Variants in SAP30BP observed in about 807,000 individuals in gnomAD.
SAP30BP encodes the protein SAP30-binding protein.
A neutral mutation model predicts 46.3 loss-of-function variants in SAP30BP; 31 were observed. The observed-to-expected ratio is 0.67, with a 90% confidence interval of 0.50 to 0.90. SAP30BP has a LOEUF of 0.90. Ranked by LOEUF, SAP30BP falls within the 40% of genes least tolerant of loss-of-function variation. SAP30BP has a pLI of 0.00. For synonymous variants in SAP30BP, 169 were observed against 144.2 expected, an observed-to-expected ratio of 1.17 and a Z score of -1.23; for missense variants, 312 against 391.0, an observed-to-expected ratio of 0.80 and a Z score of 1.70.
chr17:75,678,819 G>C (rs905824135), intron 3 of SAP30BP, among the ~76,000 whole-genome samples: 5 of 152,108 alleles, frequency 3.3e-5, no homozygotes, highest in African/African-American at 9.7e-5. Flanking sequence ...GGTGTTTGAA[G>C]GTCTGCTGAG....
At chr17:75,668,712 T>G in intron 2 of SAP30BP, 87 bp downstream of exon 2, 1 of 841,686 alleles carries the variant, frequency 1.2e-6, no homozygotes. Flanking sequence ...TTCCATTTCA[T>G]GGTTAGCTCC....
intron 5 of SAP30BP, among the ~76,000 whole-genome samples, chr17:75,701,331 G>T (rs2060407768): frequency 6.6e-6 from 1 of 152,184 alleles, no homozygotes; most frequent in Non-Finnish European, 1.5e-5. Flanking sequence ...TGCTAAGACT[G>T]CTCTTTCTAG....
intron 8 of SAP30BP, 37 bp downstream of exon 8, chr17:75,703,896 C>T (rs370389126): frequency 4.2e-6 from 6 of 1,445,110 alleles, no homozygotes; most frequent in South Asian, 1.1e-5. Context: ...ACCTTGTCCG[C>T]CCACCCGACT....
chr17:75,702,460 C>T lies in SAP30BP; in HGVS notation c.397-20C>T. ...GGCTTCTGTCATACACCCCCCCACC[C>T]CCTCTGCTCCTCTTCACAGGACAAG... On this transcript the variant is annotated intron_variant, in intron 5 of 10. Coordinates refer to ENST00000584667, the MANE Select transcript of SAP30BP (RefSeq NM_013260.8). 8.4e-7 allele frequency: 1 copy of T among 1,189,852 alleles called. No homozygotes were observed. Among genetic ancestry groups the T allele is most frequent in the African/African-American group, 1.5e-5 (1 of 66,468 alleles). The allele number at this position is 1,189,852 out of a possible 1,614,324, so 73.7% of individuals were successfully genotyped here.
rs1020631931 is a variant in SAP30BP, at chr17:75,706,726, G to A, written c.*205G>A. 59 of 582,272 alleles carry A rather than the reference G, an allele frequency of 1.0e-4. No homozygotes were observed. The highest frequency in any genetic ancestry group is 3.1e-5 in the Admixed American group (1 of 32,016). The allele number at this position is 582,272 out of a possible 1,614,324, so 36.1% of individuals were successfully genotyped here. ...AGGGTCTGTCCACGCACCACCTGGGGTCTGCCGCCTATTAAAAGTGCCGTA... is the reference window on the plus strand; with the variant it reads ...AGGGTCTGTCCACGCACCACCTGGGATCTGCCGCCTATTAAAAGTGCCGTA... On this transcript the variant is annotated 3_prime_UTR_variant, in exon 11 of 11. Coordinates refer to ENST00000584667, the MANE Select transcript of SAP30BP (RefSeq NM_013260.8). The surrounding 1 kb of genome is among the most constrained non-coding windows in gnomAD (Gnocchi z 4.6).
At chr17:75,687,691 G>A (rs1542099) in intron 3 of SAP30BP, among the ~76,000 whole-genome samples, 6,747 of 151,538 alleles carry the variant, frequency 0.045, 515 homozygotes, top group African/African-American at 0.15. Flanking sequence ...GTAATTCAGC[G>A]TTGGTGTCCC....
intron 5 of SAP30BP, 177 bp downstream of exon 5, chr17:75,700,048 G>A (rs771566319): frequency 4.0e-5 from 20 of 504,544 alleles, no homozygotes; most frequent in Non-Finnish European, 6.5e-5. Flanking sequence ...CCTCATCTCA[G>A]GAGTTGGCTC....
At chr17:75,701,576 A>C (rs2060411929) in intron 5 of SAP30BP, among the ~76,000 whole-genome samples, 2 of 152,178 alleles carry the variant, frequency 1.3e-5, no homozygotes, top group Non-Finnish European at 2.9e-5. Context: ...ATAAGCAGTT[A>C]ACCCTTGATG....
At chr17:75,687,572 C>T (rs906235204) in intron 3 of SAP30BP, among the ~76,000 whole-genome samples, 6 of 149,930 alleles carry the variant, frequency 4.0e-5, no homozygotes, top group East Asian at 1.9e-4. Context: ...GCTATGATTG[C>T]GCCAGTGTAC....
rs369194323 is a variant in SAP30BP at position 75,706,297 on chromosome 17, G to A, written c.746-43G>A. ...GCAGGGGGAAGGGAAAGAGGGCACC[G>A]CTCATTGGTGGATCGTGATCCTGAT... On this transcript the variant is annotated intron_variant, in intron 10 of 10. Coordinates refer to ENST00000584667, the MANE Select transcript of SAP30BP (RefSeq NM_013260.8). This position sits in a 1 kb window ranked among gnomAD's most constrained non-coding sequence, Gnocchi z 4.6. 339 of 1,591,026 alleles carry A rather than the reference G, an allele frequency of 2.1e-4. 2 individuals carry two copies. The highest frequency in any genetic ancestry group is 8.9e-4 in the East Asian group (40 of 44,778).
At chr17:75,704,542 TC>T (rs1276818382) in intron 8 of SAP30BP, among the ~76,000 whole-genome samples, 1 of 152,196 alleles carries the variant, frequency 6.6e-6, no homozygotes, top group Admixed American at 6.5e-5. Context: ...AGCTGACCCT[TC>T]CGGGCACACA....
intron 2 of SAP30BP, 76 bp from the exon 3 acceptor site, chr17:75,671,740 C>A: frequency 8.7e-7 from 1 of 1,143,452 alleles, no homozygotes; most frequent in Non-Finnish European, 1.3e-6. Context: ...CTGTTTGCTC[C>A]GGCCCCTAGT....
intron 4 of SAP30BP, among the ~76,000 whole-genome samples, chr17:75,695,576 C>T (rs556313691): frequency 6.6e-6 from 1 of 152,150 alleles, no homozygotes; most frequent in Non-Finnish European, 1.5e-5. Context: ...TCCTCATTGA[C>T]GAGTAGCTAG....
rs749966270 is a variant in SAP30BP at position 75,668,633 on chromosome 17, A to C, written c.216+8A>C. On this transcript the variant is annotated splice_region_variant and intron_variant, in intron 2 of 10. Coordinates refer to ENST00000584667, the MANE Select transcript of SAP30BP (RefSeq NM_013260.8). The stretch of plus-strand genomic sequence containing the variant: ...GAGAACAGTAGACAGTCGGTAGGTA[A>C]ATCTCCCAGATCCAGAGCTACTGAA... The C allele has an allele frequency of 2.0e-6, 3 of 1,535,304 alleles. No homozygotes were observed. In the South Asian group the frequency reaches 3.4e-5, roughly 18 times the overall value.
Position 75,706,723 on chromosome 17 carries a change from G to A in SAP30BP, c.*202G>A. ...GACAGGGTCTGTCCACGCACCACCT[G>A]GGGTCTGCCGCCTATTAAAAGTGCC... On this transcript the variant is annotated 3_prime_UTR_variant, in exon 11 of 11. Transcript: ENST00000584667. This position sits in a 1 kb window ranked among gnomAD's most constrained non-coding sequence, Gnocchi z 4.6. 1.7e-6 allele frequency: 1 copy of A among 584,636 alleles called. No homozygotes were observed. Among genetic ancestry groups the A allele is most frequent in the Non-Finnish European group, 3.0e-6 (1 of 329,168 alleles). 36.2% of individuals were successfully genotyped at this position (584,636 alleles called of 1,614,324 possible). A position where few individuals can be genotyped will look rare whatever the true frequency, so the allele number is the denominator to read the frequency against.
rs1022409572 is a variant in SAP30BP at position 75,677,041 on chromosome 17, A to G, written c.264+5178A>G. Among the ~76,000 whole-genome samples, 7 of 152,182 alleles carry G rather than the reference A, an allele frequency of 4.6e-5. No individual in the cohort carries two copies. In the East Asian group the frequency reaches 1.3e-3, roughly 29 times the overall value. On this transcript the variant is annotated intron_variant, in intron 3 of 10. Transcript: ENST00000584667. The stretch of plus-strand genomic sequence containing the variant: ...TCTCATGTCATTGCCCAAAATATTA[A>G]AGAGATGTATATTCAAATGTCAAGA...
chr17:75,700,047 A>AG (rs755560824), intron 5 of SAP30BP, 176 bp downstream of exon 5: 2 of 506,652 alleles, frequency 3.9e-6, no homozygotes, highest in Non-Finnish European at 7.2e-6. Flanking sequence ...GCCTCATCTC[A>AG]GGAGTTGGCT....
intron 3 of SAP30BP, among the ~76,000 whole-genome samples, chr17:75,686,388 C>T (rs1055890578): frequency 2.0e-5 from 3 of 152,052 alleles, no homozygotes; most frequent in South Asian, 2.1e-4. Flanking sequence ...TGGTGGCGGG[C>T]GCCTATAGTC....
intron 3 of SAP30BP, among the ~76,000 whole-genome samples, chr17:75,688,773 C>A (rs1292628034): frequency 6.6e-6 from 1 of 152,212 alleles, no homozygotes; most frequent in African/African-American, 2.4e-5. Context: ...CAGTCAGCTT[C>A]ATCAATGGCT....
Sources: gnomAD v4.1 joint callset for allele counts (sites outside exome capture counted in the v4.1 genomes callset) on GRCh38, gnomAD v4.1.1 for gene constraint, Gnocchi (gnomAD v3.1) non-coding constraint, MANE v1.5 for transcripts, NCBI Gene and HGNC (gene_info 2026-07-23, HGNC 2026-07-21) for gene names.